HSPB7: variants seen among roughly 807,000 people sequenced by gnomAD.
HSPB7 encodes heat shock protein beta-7.
Under a neutral mutation model 11.0 loss-of-function variants are expected in HSPB7, and 9 were observed. The observed-to-expected ratio is 0.82, with a 90% confidence interval of 0.49 to 1.43. The LOEUF (loss-of-function observed/expected upper bound fraction) is 1.43. Among genes scored for constraint, HSPB7 ranks in the 40% most tolerant of loss-of-function variants. The probability of loss-of-function intolerance (pLI) is 0.00; values close to 1 mark genes in which losing one functional copy is unlikely to be tolerated. For missense variants in HSPB7, 246 were observed against 243.9 expected (o/e 1.01, Z -0.06); for synonymous variants, 102 against 101.6 (o/e 1.00, Z -0.02).
chr1:16,016,788 G>A (rs1570277701), intron 2 of HSPB7, among the ~76,000 whole-genome samples: 1 of 152,050 alleles, frequency 6.6e-6, no homozygotes, highest in Non-Finnish European at 1.5e-5. Flanking sequence ...ACCCCCTCAG[G>A]CTCCCTCTGC....
rs1441289353 is a variant in HSPB7, at chr1:16,015,403, C to G, written c.*177G>C. ...CATCATGTGTCAGGCCAGGGAGTCC[C>G]TGGCCTGCCCTGGATAGAGTGGAGG... On this transcript the variant is annotated 3_prime_UTR_variant, in exon 3 of 3. Coordinates refer to ENST00000311890, the MANE Select transcript of HSPB7 (RefSeq NM_014424.5). The surrounding 1 kb of genome is among the most constrained non-coding windows in gnomAD (Gnocchi z 4.9). 3.4e-6 allele frequency: 2 copies of G among 594,514 alleles called. No individual in the cohort carries two copies. The highest frequency in any genetic ancestry group is 6.4e-5 in the Admixed American group (2 of 31,418). The allele number at this position is 594,514 out of a possible 1,614,324, so 36.8% of individuals were successfully genotyped here.
At chr1:16,019,369 T>C, upstream of HSPB7, 1 of 1,462,530 alleles carries the variant, frequency 6.8e-7, no homozygotes, top group Non-Finnish European at 9.4e-7. Flanking sequence ...CACCTGGCAG[T>C]GTGACATAGT....
chr1:16,018,557 C>G, upstream of HSPB7: 2 of 1,068,134 alleles, frequency 1.9e-6, no homozygotes, highest in Non-Finnish European at 2.3e-6. Context: ...AGGTTGAGCC[C>G]TGCCAGGGGG....
In HSPB7 at chr1:16,014,809, G is replaced by A. The variant is rs562701109; in HGVS notation, c.*771C>T. 6.6e-6 allele frequency: 1 copy of A among 152,288 alleles called. No homozygotes were observed. The highest frequency in any genetic ancestry group is 6.5e-5 in the Admixed American group (1 of 15,284). The allele number at this position is 152,288 out of a possible 1,614,324, so 9.4% of individuals were successfully genotyped here. ...CCTGTCTGCATGGGAGCAGCCCCAA[G>A]AACACAGGCCTGTGGGAGGGAGAAG... On this transcript the variant is annotated 3_prime_UTR_variant, in exon 3 of 3. Coordinates refer to ENST00000311890, the MANE Select transcript of HSPB7 (RefSeq NM_014424.5).
rs1329381090 is a variant in HSPB7 at position 16,016,964 on chromosome 1, G to A, written c.333+110C>T. On this transcript the variant is annotated intron_variant, in intron 2 of 2. Coordinates refer to ENST00000311890, the MANE Select transcript of HSPB7 (RefSeq NM_014424.5). ...GTTAGCCCTGGGGGAGTTTGGGTGGGGAAGGGACACTGGCCAGGGTCTGGG... is the reference window on the plus strand; with the variant it reads ...GTTAGCCCTGGGGGAGTTTGGGTGGAGAAGGGACACTGGCCAGGGTCTGGG... The A allele has an allele frequency of 2.9e-5, 34 of 1,167,972 alleles. No individual in the cohort carries two copies. The Admixed American group carries it at 6.7e-4, about 23-fold the overall frequency. 72.4% of individuals were successfully genotyped at this position (1,167,972 alleles called of 1,614,324 possible). A position where few individuals can be genotyped will look rare whatever the true frequency, so the allele number is the denominator to read the frequency against.
intron 1 of HSPB7, chr1:16,017,408 G>GTA: frequency 3.1e-6 from 2 of 652,474 alleles, no homozygotes; most frequent in East Asian, 2.7e-5. Context: ...CAGTGTGTGT[G>GTA]TATATGAGGC....
chr1:16,016,209 G>A (rs1351584070), intron 2 of HSPB7, among the ~76,000 whole-genome samples: 1 of 152,264 alleles, frequency 6.6e-6, no homozygotes, highest in Non-Finnish European at 1.5e-5. Flanking sequence ...CTGAGTCACT[G>A]TTGGGGGTGG....
Position 16,015,752 on chromosome 1 carries a change from G to A in HSPB7, c.341C>T (p.Ala114Val). The A allele has an allele frequency of 6.3e-7, 1 of 1,579,620 alleles. No individual in the cohort carries two copies. Among genetic ancestry groups the A allele is most frequent in the Non-Finnish European group, 8.6e-7 (1 of 1,159,762 alleles). Residue 114 changes from alanine (A) to valine (V), a missense_variant, in exon 3 of 3, where the codon GCT becomes GTT. Coordinates refer to ENST00000311890, the MANE Select transcript of HSPB7 (RefSeq NM_014424.5). The surrounding 1 kb of genome is among the most constrained non-coding windows in gnomAD (Gnocchi z 4.9). ...HIEVRAEKLAADGTVMNTFAH... is the reference protein window; with the variant it reads ...HIEVRAEKLAVDGTVMNTFAH... The stretch of plus-strand genomic sequence containing the variant: ...GAAGGTGTTCATGACAGTGCCGTCA[G>A]CCGCCAGCTGGGGAAGGGGTGACCC...
chr1:16,017,658 A>T, intron 1 of HSPB7, 107 bp downstream of exon 1: 1 of 889,122 alleles, frequency 1.1e-6, no homozygotes. Context: ...CAGGCTGTGC[A>T]GCACCTGTTC....
chr1:16,017,732 A>G (rs1570280176), intron 1 of HSPB7, 33 bp downstream of exon 1: 1 of 1,519,788 alleles, frequency 6.6e-7, no homozygotes, highest in African/African-American at 1.4e-5. Flanking sequence ...CTCCCTGTGC[A>G]CCTCCCCTCC....
At chr1:16,017,549 C>G in intron 1 of HSPB7, 1 of 595,136 alleles carries the variant, frequency 1.7e-6, no homozygotes, top group Middle Eastern at 4.4e-4. Context: ...GGAACCATGT[C>G]CAACCCCCAG....
chr1:16,015,708 G>C lies in HSPB7; in HGVS notation c.385C>G (p.Pro129Ala). The C allele has an allele frequency of 6.2e-7, 1 of 1,611,588 alleles. No individual in the cohort carries two copies. Among genetic ancestry groups the C allele is most frequent in the Non-Finnish European group, 8.5e-7 (1 of 1,178,740 alleles). Residue 129 changes from proline to alanine, a missense_variant, in exon 3 of 3, where the codon CCG (proline) becomes GCG (alanine). Coordinates refer to ENST00000311890, the MANE Select transcript of HSPB7 (RefSeq NM_014424.5). The surrounding 1 kb of genome is among the most constrained non-coding windows in gnomAD (Gnocchi z 4.9). Reference protein sequence around the residue: ...MNTFAHKCQLPEDVDPTSVTS... With the variant: ...MNTFAHKCQLAEDVDPTSVTS... ...ACCGACGTCGGGTCCACGTCCTCCG[G>C]CAGCTGGCACTTGTGAGCGAAGGTG...
chr1:16,016,878 C>T (rs1414435662), intron 2 of HSPB7, among the ~76,000 whole-genome samples, 196 bp downstream of exon 2: 1 of 152,146 alleles, frequency 6.6e-6, no homozygotes. Flanking sequence ...CTGGGAACCT[C>T]GGTGCAAAGA....
Position 16,017,175 on chromosome 1 carries a change from G to A in HSPB7, c.232C>T (p.Leu78=), listed in dbSNP as rs1319585213. 6.2e-6 allele frequency: 10 copies of A among 1,613,716 alleles called. No individual in the cohort carries two copies. Among genetic ancestry groups the A allele is most frequent in the South Asian group, 1.1e-5 (1 of 91,074 alleles). Residue 78 remains leucine (L), a synonymous_variant, in exon 2 of 3, where the codon CTA becomes TTA. Coordinates refer to ENST00000311890, the MANE Select transcript of HSPB7 (RefSeq NM_014424.5). Reference sequence around the variant, plus strand: ...ACCGCAAACTCATAGGCGTCTCCTAGGGTCTTGATGTTGCCTGCCCCACCG... The same window carrying A: ...ACCGCAAACTCATAGGCGTCTCCTAAGGTCTTGATGTTGCCTGCCCCACCG... ...RPGGAGNIKT[L]GDAYEFAVDV... is the part of the protein sequence containing the mutation.
At chr1:16,016,512 G>A (rs1054923560) in intron 2 of HSPB7, among the ~76,000 whole-genome samples, 2 of 152,222 alleles carry the variant, frequency 1.3e-5, no homozygotes, top group Non-Finnish European at 2.9e-5. Flanking sequence ...GTGGGCGGGC[G>A]CTGTGTGTGG....
chr1:16,019,473 A>T (rs896476903), upstream of HSPB7: 1 of 1,542,206 alleles, frequency 6.5e-7, no homozygotes, highest in African/African-American at 1.4e-5. Context: ...TCCCCATTAG[A>T]TTGAAGGTTC....
At chr1:16,016,730 A>G (rs779419247) in intron 2 of HSPB7, among the ~76,000 whole-genome samples, 1 of 150,010 alleles carries the variant, frequency 6.7e-6, no homozygotes, top group Non-Finnish European at 1.5e-5. Context: ...AGCTGTCCTC[A>G]CTCTGCCATC....
chr1:16,019,045 G>A (rs1271762996), upstream of HSPB7: 6 of 1,231,656 alleles, frequency 4.9e-6, no homozygotes, highest in Non-Finnish European at 6.6e-6. Context: ...GAGGTGGTTT[G>A]AACATGTGCC....
At chr1:16,019,378 G>GGAAGAC (rs1409741893), upstream of HSPB7, 6 of 1,482,962 alleles carry the variant, frequency 4.0e-6, no homozygotes, top group African/African-American at 8.4e-5. Flanking sequence ...GTGTGACATA[G>GGAAGAC]TCTTCCTGTG....
Sources: gnomAD v4.1 joint callset for allele counts (sites outside exome capture counted in the v4.1 genomes callset) on GRCh38, gnomAD v4.1.1 for gene constraint, Gnocchi (gnomAD v3.1) non-coding constraint, MANE v1.5 for transcripts, NCBI Gene and HGNC (gene_info 2026-07-23, HGNC 2026-07-21) for gene names.